Variants in CREB3 observed in about 807,000 individuals in gnomAD.
CREB3 encodes the protein cyclic AMP-responsive element-binding protein 3.
In CREB3, 29 loss-of-function variants were observed where a neutral mutation model predicts 34.5. The ratio of observed to expected loss-of-function variants is 0.84; its 90% CI spans 0.63 to 1.15. CREB3 has a LOEUF of 1.15. Among genes scored for constraint, CREB3 ranks in the 50% most tolerant of loss-of-function variants. The probability of loss-of-function intolerance (pLI) is 0.00; values close to 1 mark genes in which losing one functional copy is unlikely to be tolerated. For missense variants in CREB3, 447 were observed against 443.4 expected (o/e 1.01, Z -0.07); for synonymous variants, 187 against 173.9 (o/e 1.08, Z -0.59).
Position 35,733,075 on chromosome 9 carries a change from C to A in CREB3, c.209C>A (p.Ser70Tyr), listed in dbSNP as rs771389496. Reference sequence around the variant, plus strand: ...GCGTCGTTGAACATTCTCAGCTCCTCCAACCCCTGCCTTGTCCACCATGAC... The same window carrying A: ...GCGTCGTTGAACATTCTCAGCTCCTACAACCCCTGCCTTGTCCACCATGAC... ...PPASLNILSS[S>Y]NPCLVHHDHT... Residue 70 changes from serine to tyrosine, a missense_variant, in exon 2 of 9, where the codon TCC (serine) becomes TAC (tyrosine). Ser to Tyr is a moderately radical substitution (Grantham distance 144). Transcript: ENST00000353704. 1 of 1,614,222 alleles carries A rather than the reference C, an allele frequency of 6.2e-7. No individual in the cohort carries two copies. Among genetic ancestry groups the A allele is most frequent in the Non-Finnish European group, 8.5e-7 (1 of 1,180,034 alleles).
intron 4 of CREB3, 103 bp from the exon 5 acceptor site, chr9:35,735,006 T>C: frequency 1.1e-6 from 1 of 921,016 alleles, no homozygotes. Context: ...TCAGGGAAGC[T>C]GTAGAAGGGA....
chr9:35,735,968 G>A (rs1587998478), intron 6 of CREB3, 80 bp from the exon 7 acceptor site: 5 of 1,025,996 alleles, frequency 4.9e-6, no homozygotes, highest in Admixed American at 1.7e-5. Context: ...AGATGGAGGA[G>A]GTGGCCTGAA....
Position 35,733,215 on chromosome 9 carries a change from A to G in CREB3, c.278A>G (p.Glu93Gly). ...LPRETVSMDL[E>G]SESCRKEGTQ... The stretch of plus-strand genomic sequence containing the variant: ...GCTATTCATACTTTCCCTTTTGCAG[A>G]GAGTGAGAGCTGTAGAAAAGAGGGG... The change falls in exon 3 of 9, where the codon GAG becomes GGG. Residue 93 changes from glutamate (E) to glycine (G), a missense_variant and splice_region_variant. Coordinates refer to ENST00000353704, the MANE Select transcript of CREB3 (RefSeq NM_006368.5). The G allele has an allele frequency of 6.2e-7, 1 of 1,614,196 alleles. No homozygotes were observed.
rs761649956 is a variant in CREB3 at position 35,733,494 on chromosome 9, C to T, written c.435+9C>T. On this transcript the variant is annotated intron_variant, in intron 4 of 8. Coordinates refer to ENST00000353704, the MANE Select transcript of CREB3 (RefSeq NM_006368.5). The stretch of plus-strand genomic sequence containing the variant: ...CACTTCCTCTCACTAAGGTAAGACT[C>T]TCATTGGTTGAACAAAGGCTGAAAA... The T allele has an allele frequency of 1.3e-6, 2 of 1,599,604 alleles. No homozygotes were observed. Among genetic ancestry groups the T allele is most frequent in the Admixed American group, 1.7e-5 (1 of 59,952 alleles).
In CREB3 at chr9:35,733,204, C is replaced by T; in HGVS notation, c.278-11C>T. On this transcript the variant is annotated splice_polypyrimidine_tract_variant and intron_variant, in intron 2 of 8. Coordinates refer to ENST00000353704, the MANE Select transcript of CREB3 (RefSeq NM_006368.5). ...TCATGGGCCTGGCTATTCATACTTT[C>T]CCTTTTGCAGAGAGTGAGAGCTGTA... 1 of 1,614,206 alleles carries T rather than the reference C, an allele frequency of 6.2e-7. No individual in the cohort carries two copies. Among genetic ancestry groups the T allele is most frequent in the Non-Finnish European group, 8.5e-7 (1 of 1,180,040 alleles).
At position 35,736,432 on chromosome 9, in the gene CREB3, T is replaced by C; in HGVS notation, c.822T>C (p.Pro274=). ...RQLRALPSED[P]YQLELPALQS... Reference sequence around the variant, plus strand: ...TTCGTGCCCTCCCCAGTGAGGACCCTTACCAGCTGGAGCTGCCTGCCCTGC... The same window carrying C: ...TTCGTGCCCTCCCCAGTGAGGACCCCTACCAGCTGGAGCTGCCTGCCCTGC... The change falls in exon 9 of 9, where the codon CCT becomes CCC. Residue 274 remains proline (P), a synonymous_variant. Coordinates refer to ENST00000353704, the MANE Select transcript of CREB3 (RefSeq NM_006368.5). The C allele has an allele frequency of 6.2e-7, 1 of 1,614,120 alleles. No homozygotes were observed. Among genetic ancestry groups the C allele is most frequent in the Non-Finnish European group, 8.5e-7 (1 of 1,180,036 alleles).
chr9:35,733,491 ACT>A lies in CREB3; in HGVS notation c.435+10_435+11del, dbSNP rs762652407. 13 of 1,603,062 alleles carry A rather than the reference ACT, an allele frequency of 8.1e-6. No individual in the cohort carries two copies. Among genetic ancestry groups the A allele is most frequent in the South Asian group, 5.5e-5 (5 of 90,792 alleles). On this transcript the variant is annotated splice_region_variant and intron_variant, in intron 4 of 8. Transcript: ENST00000353704. ...AGACACTTCCTCTCACTAAGGTAAGACTCTCATTGGTTGAACAAAGGCTGAAA... is the reference window on the plus strand; with the variant it reads ...AGACACTTCCTCTCACTAAGGTAAGACTCATTGGTTGAACAAAGGCTGAAA...
rs751043907 is a variant in CREB3, at chr9:35,735,152, A to G, written c.479A>G (p.Asn160Ser). 1.2e-6 allele frequency: 2 copies of G among 1,602,676 alleles called. No individual in the cohort carries two copies. Among genetic ancestry groups the G allele is most frequent in the South Asian group, 2.3e-5 (2 of 88,206 alleles). ...AAACGTGTGCGGAGGAAGATTCGAA[A>G]TAAAAGATCTGCTCAAGAGAGCCGC... ...ILKRVRRKIR[N>S]KRSAQESRRK... The change falls in exon 5 of 9, where the codon AAT becomes AGT. Residue 160 changes from asparagine (N) to serine (S), a missense_variant. Physicochemically the swap from Asn to Ser is conservative, Grantham distance 46. Coordinates refer to ENST00000353704, the MANE Select transcript of CREB3 (RefSeq NM_006368.5).
chr9:35,736,728 TATGAGG>T lies in CREB3; in HGVS notation c.*5_*10del, dbSNP rs1433768970. 1 of 1,598,520 alleles carries T rather than the reference TATGAGG, an allele frequency of 6.3e-7. No homozygotes were observed. Among genetic ancestry groups the T allele is most frequent in the Non-Finnish European group, 8.5e-7 (1 of 1,175,226 alleles). On this transcript the variant is annotated 3_prime_UTR_variant, in exon 9 of 9. Coordinates refer to ENST00000353704, the MANE Select transcript of CREB3 (RefSeq NM_006368.5). Reference sequence around the variant, plus strand: ...TTGCAGGACAGATACTCAGGCTAGATATGAGGATATGTGGGGGGTCTCAGCAGGAGC... The same window carrying T: ...TTGCAGGACAGATACTCAGGCTAGATATATGTGGGGGGTCTCAGCAGGAGC...
Position 35,736,427 on chromosome 9 carries a change from G to A in CREB3, c.817G>A (p.Asp273Asn), listed in dbSNP as rs765448856. The A allele has an allele frequency of 1.1e-5, 17 of 1,614,084 alleles. No individual in the cohort carries two copies. The South Asian group carries it at 1.6e-4, about 16-fold the overall frequency. Residue 273 changes from aspartate (D) to asparagine (N), a missense_variant, in exon 9 of 9, where the codon GAC (aspartate) becomes AAC (asparagine). Physicochemically the swap from Asp to Asn is conservative, Grantham distance 23. Coordinates refer to ENST00000353704, the MANE Select transcript of CREB3 (RefSeq NM_006368.5). ...SRQLRALPSE[D>N]PYQLELPALQ... is the part of the protein sequence containing the mutation. ...CCAGCTTCGTGCCCTCCCCAGTGAG[G>A]ACCCTTACCAGCTGGAGCTGCCTGC...
chr9:35,736,208 C>A lies in CREB3; in HGVS notation c.697-19C>A. 6.2e-7 allele frequency: 1 copy of A among 1,613,738 alleles called. No homozygotes were observed. The highest frequency in any genetic ancestry group is 1.1e-5 in the South Asian group (1 of 91,064). ...GGCAATCCAGAGCCCTTCTTCATCT[C>A]CTTTTTCCTGTGCTCTAGGTCCTAC... On this transcript the variant is annotated intron_variant, in intron 7 of 8. Transcript: ENST00000353704.
intron 4 of CREB3, 50 bp from the exon 5 acceptor site, chr9:35,735,059 C>A: frequency 6.7e-7 from 1 of 1,499,992 alleles, no homozygotes; most frequent in South Asian, 1.2e-5. Flanking sequence ...CGTTTCAACT[C>A]CTTTTTCTAG....
intron 6 of CREB3, 35 bp downstream of exon 6, chr9:35,735,409 C>T (rs745791573): frequency 1.9e-6 from 3 of 1,566,546 alleles, no homozygotes; most frequent in Non-Finnish European, 2.6e-6. Context: ...CTTCCTATGC[C>T]CCTCATTTAA....
chr9:35,733,300 CAGG>C lies in CREB3; in HGVS notation c.345+21_345+23del, dbSNP rs767735895. ...CAGAGCAGGTACTTGACTTGATTTT[CAGG>C]AGATTACTCTCACATTCCCCAGGTG... is the stretch of plus-strand genomic sequence containing the variant. On this transcript the variant is annotated intron_variant, in intron 3 of 8. Coordinates refer to ENST00000353704, the MANE Select transcript of CREB3 (RefSeq NM_006368.5). 2.5e-5 allele frequency: 41 copies of C among 1,613,904 alleles called. No individual in the cohort carries two copies. Among genetic ancestry groups the C allele is most frequent in the Non-Finnish European group, 3.3e-5 (39 of 1,179,874 alleles).
intron 4 of CREB3, among the ~76,000 whole-genome samples, chr9:35,734,499 C>T (rs1032975141): frequency 2.6e-5 from 4 of 151,782 alleles, no homozygotes; most frequent in African/African-American, 9.7e-5. Flanking sequence ...CTTAAAATAG[C>T]TAAACAGGGT....
Position 35,736,123 on chromosome 9 carries a change from C to T in CREB3, c.687C>T (p.Thr229=). The part of the protein sequence containing the change: ...EISNKTSSSS[T]CILVLLVSFC... The stretch of plus-strand genomic sequence containing the variant: ...CAAACAAAACCAGCAGCAGCAGCAC[C>T]TGCATCTTGGTGAGGATGGTGATGA... The change falls in exon 7 of 9, where the codon ACC becomes ACT. Residue 229 remains threonine, a synonymous_variant. Transcript: ENST00000353704. The T allele has an allele frequency of 1.9e-6, 3 of 1,614,088 alleles. No homozygotes were observed. Among genetic ancestry groups the T allele is most frequent in the Non-Finnish European group, 2.5e-6 (3 of 1,179,938 alleles).
At chr9:35,734,654 C>T (rs1363929063) in intron 4 of CREB3, among the ~76,000 whole-genome samples, 2 of 152,044 alleles carry the variant, frequency 1.3e-5, no homozygotes, top group Non-Finnish European at 2.9e-5. Context: ...AGAATAGTGG[C>T]GAGATCATGG....
At chr9:35,735,912 C>A in intron 6 of CREB3, 136 bp from the exon 7 acceptor site, 1 of 676,792 alleles carries the variant, frequency 1.5e-6, no homozygotes, top group Non-Finnish European at 2.6e-6. Flanking sequence ...AGGAAGAAGT[C>A]GTTTGCAAAA....
In CREB3 at chr9:35,732,751, A is replaced by G; in HGVS notation, c.-22A>G. 2 of 1,597,438 alleles carry G rather than the reference A, an allele frequency of 1.3e-6. No homozygotes were observed. Among genetic ancestry groups the G allele is most frequent in the Non-Finnish European group, 1.7e-6 (2 of 1,171,452 alleles). ...TTCGGACGTTGGGGCCCGGTGGCCC[A>G]CCCTTTCCGTAGTTGTCCCAAATGG... On this transcript the variant is annotated 5_prime_UTR_variant, in exon 1 of 9. Coordinates refer to ENST00000353704, the MANE Select transcript of CREB3 (RefSeq NM_006368.5). This position sits in a 1 kb window ranked among gnomAD's most constrained non-coding sequence, Gnocchi z 5.1.
Sources: allele counts gnomAD v4.1 joint callset (sites outside exome capture counted in the v4.1 genomes callset), GRCh38; gene constraint gnomAD v4.1.1; non-coding constraint Gnocchi (gnomAD v3.1); transcripts MANE v1.5; gene names NCBI Gene and HGNC (gene_info 2026-07-23, HGNC 2026-07-21).